The following DST variants were observed in gnomAD, a reference collection of about 807,000 sequenced individuals.
DST encodes dystonin.
Under a neutral mutation model 875.2 loss-of-function variants are expected in DST, and 253 were observed. That is an observed-to-expected ratio of 0.29 (90% CI 0.26 to 0.32). DST has a LOEUF of 0.32. Among genes scored for constraint, DST ranks in the 10% least tolerant of loss-of-function variants. The pLI is 1.00. For synonymous variants in DST, 3,124 were observed against 3,197.1 expected (o/e 0.98, Z 0.77); for missense variants, 8,287 against 9,111.6 (o/e 0.91, Z 3.68).
chr6:56,625,867 G>T (rs929525276), intron 34 of DST, among the ~76,000 whole-genome samples: 2 of 151,554 alleles, frequency 1.3e-5, no homozygotes, highest in Non-Finnish European at 2.9e-5. Context: ...ACCTTCCCAT[G>T]GGATTTGGAG....
chr6:56,684,673 T>C (rs1216026313), intron 9 of DST, among the ~76,000 whole-genome samples: 1 of 152,212 alleles, frequency 6.6e-6, no homozygotes, highest in Non-Finnish European at 1.5e-5. Flanking sequence ...AATCTATCCT[T>C]ACAAGTCAGA....
intron 69 of DST, among the ~76,000 whole-genome samples, chr6:56,521,601 G>GAA (rs10547460): frequency 2.8e-4 from 26 of 92,028 alleles, no homozygotes; most frequent in East Asian, 6.7e-4. Flanking sequence ...CTCTGCTAAG[G>GAA]AAAAAAAAAA....
chr6:56,565,669 C>T (rs561481745), intron 55 of DST, among the ~76,000 whole-genome samples: 59 of 152,284 alleles, frequency 3.9e-4, no homozygotes, highest in African/African-American at 1.2e-3. Flanking sequence ...TCAGGAGGCA[C>T]AGGCGTCAGG....
At chr6:56,856,012 A>G (rs59214825) in intron 3 of DST, among the ~76,000 whole-genome samples, 5,364 of 152,310 alleles carry the variant, frequency 0.035, 335 homozygotes, top group African/African-American at 0.12. Context: ...TCAAGGACCT[A>G]CTATATTGTG....
chr6:56,880,800 C>T (rs1055893732), intron 3 of DST, among the ~76,000 whole-genome samples: 1 of 141,896 alleles, frequency 7.0e-6, no homozygotes, highest in Non-Finnish European at 1.5e-5. Context: ...TAATGAAATA[C>T]TTAATATAGT....
chr6:56,572,861 T>A lies in DST; in HGVS notation c.13440A>T (p.Glu4480Asp), dbSNP rs753541377. 1 of 1,613,258 alleles carries A rather than the reference T, an allele frequency of 6.2e-7. No individual in the cohort carries two copies. Among genetic ancestry groups the A allele is most frequent in the Non-Finnish European group, 8.5e-7 (1 of 1,179,674 alleles). The change falls in exon 52 of 104, where the codon GAA becomes GAT. Residue 4480 changes from glutamate (E) to aspartate (D), a missense_variant. Physicochemically the swap from Glu to Asp is conservative, Grantham distance 45. Transcript: ENST00000680361. ...GCTTTTCTGAGAGGTTCTCAAACAG[T>A]TCTACTTTGGTTTTTAGCTCCTCCA... The part of the protein sequence containing the change: ...AKMEELKTKV[E>D]LFENLSEKLQ...
At chr6:56,526,203 C>T (rs1001903949) in intron 69 of DST, among the ~76,000 whole-genome samples, 158 bp downstream of exon 69, 2 of 152,082 alleles carry the variant, frequency 1.3e-5, no homozygotes, top group East Asian at 1.9e-4. Flanking sequence ...GCTCAGACGT[C>T]GAAGAAGCCC....
chr6:56,886,776 C>CAA (rs35735421), intron 3 of DST, among the ~76,000 whole-genome samples: 14,776 of 81,710 alleles, frequency 0.18, 1,173 homozygotes, highest in Non-Finnish European at 0.26. Context: ...AACTCAGTCT[C>CAA]AAAAAAAAAA....
chr6:56,909,416 C>T (rs115670611), intron 2 of DST, among the ~76,000 whole-genome samples: 1,846 of 152,284 alleles, frequency 0.012, 34 homozygotes, highest in East Asian at 0.039. Context: ...TGCTCTTCTC[C>T]TCTTTTGGCC....
At chr6:56,916,821 CACAG>C (rs1433981119) in intron 2 of DST, among the ~76,000 whole-genome samples, 24 of 140,766 alleles carry the variant, frequency 1.7e-4, no homozygotes, top group African/African-American at 5.4e-4. Context: ...CACACACACA[CACAG>C]AGAGACAGAG....
intron 3 of DST, 44 bp downstream of exon 3, chr6:56,900,377 G>T (rs1793518650): frequency 6.9e-6 from 9 of 1,298,096 alleles, no homozygotes; most frequent in Non-Finnish European, 9.3e-6. Flanking sequence ...CACATGATTT[G>T]ACAGTGAATT....
chr6:56,872,359 A>T (rs1777591073), intron 3 of DST, among the ~76,000 whole-genome samples: 1 of 152,202 alleles, frequency 6.6e-6, no homozygotes, highest in African/African-American at 2.4e-5. Context: ...TAAAATTTTA[A>T]AATTAAAATT....
At chr6:56,673,669 T>C (rs2099114124) in intron 9 of DST, among the ~76,000 whole-genome samples, 1 of 152,234 alleles carries the variant, frequency 6.6e-6, no homozygotes, top group South Asian at 2.1e-4. Context: ...TTGTTACAAA[T>C]ACAATTTCAG....
rs555473872 is a variant in DST, at chr6:56,916,823, C to CACACACACAGAG, written c.217-16203_217-16202insCTCTGTGTGTGT. On this transcript the variant is annotated intron_variant, in intron 2 of 103. Coordinates refer to ENST00000680361, the MANE Select transcript of DST (RefSeq NM_001374736.1). ...ACACACACACACACACACACACACA[C>CACACACACAGAG]AGAGAGACAGAGAGAGAAAAGCTAT... 1.6e-4 allele frequency among the ~76,000 whole-genome samples: 23 copies of CACACACACAGAG among 140,770 alleles called. No homozygotes were observed. In the East Asian group the frequency reaches 3.2e-3, roughly 20 times the overall value. 92.4% of individuals were successfully genotyped at this position (140,770 alleles called of 152,430 possible). A position where few individuals can be genotyped will look rare whatever the true frequency, so the allele number is the denominator to read the frequency against.
chr6:56,557,331 C>T lies in DST; in HGVS notation c.14628G>A (p.Arg4876=). 6.2e-7 allele frequency: 1 copy of T among 1,612,946 alleles called. No homozygotes were observed. Among genetic ancestry groups the T allele is most frequent in the Non-Finnish European group, 8.5e-7 (1 of 1,179,554 alleles). Residue 4876 remains arginine (R), a synonymous_variant, in exon 59 of 104, where the codon AGG becomes AGA. Coordinates refer to ENST00000680361, the MANE Select transcript of DST (RefSeq NM_001374736.1). ...AGGTAATACTCACCTGCACCTGCTG[C>T]CTTTGTGTGTTTAGCATATTTGGGT... ...SIDPNMLNTQ[R]QQVQILLQEF... is the part of the protein sequence containing the mutation.
chr6:56,548,581 A>T (rs1229977663), intron 61 of DST, among the ~76,000 whole-genome samples: 3 of 152,232 alleles, frequency 2.0e-5, no homozygotes, highest in African/African-American at 7.2e-5. Context: ...ATCTTGAGCT[A>T]GGAGTCTTCA....
At chr6:56,557,603 A>C (rs2097447980) in intron 58 of DST, 85 bp from the exon 59 acceptor site, 10 of 1,031,012 alleles carry the variant, frequency 9.7e-6, no homozygotes, top group Non-Finnish European at 4.2e-6. Flanking sequence ...GTATGATTTA[A>C]AATGATATAT....
At chr6:56,571,271 T>G (rs1370703198) in intron 53 of DST, among the ~76,000 whole-genome samples, 1 of 152,218 alleles carries the variant, frequency 6.6e-6, no homozygotes, top group East Asian at 1.9e-4. Flanking sequence ...AACTACATTA[T>G]TTTAAAGTTG....
intron 38 of DST, among the ~76,000 whole-genome samples, 198 bp from the exon 39 acceptor site, chr6:56,610,760 A>G (rs2098537817): frequency 6.6e-6 from 1 of 152,188 alleles, no homozygotes; most frequent in Non-Finnish European, 1.5e-5. Context: ...TGCCTGAGAA[A>G]AGGACTGAAG....
Sources: gnomAD v4.1 joint callset for allele counts (sites outside exome capture counted in the v4.1 genomes callset) on GRCh38, gnomAD v4.1.1 for gene constraint, MANE v1.5 for transcripts, NCBI Gene and HGNC (gene_info 2026-07-23, HGNC 2026-07-21) for gene names.